Variants in AGO3 observed in about 807,000 individuals in gnomAD.
AGO3 encodes the protein argonaute RISC catalytic component 3, also known as protein argonaute-3.
AGO3 carries 16 observed loss-of-function variants against 105.5 expected under a neutral mutation model. The ratio of observed to expected loss-of-function variants is 0.15; its 90% CI spans 0.10 to 0.23. The LOEUF is 0.23. Ranked by LOEUF, AGO3 falls within the 10% of genes least tolerant of loss-of-function variation. The pLI is 1.00. For missense variants in AGO3, 534 were observed against 1,088.0 expected, an observed-to-expected ratio of 0.49 and a Z score of 7.16; for synonymous variants, 340 against 367.3, an observed-to-expected ratio of 0.93 and a Z score of 0.85.
At chr1:36,043,257 A>T in intron 16 of AGO3, 190 bp from the exon 17 acceptor site, 1 of 568,402 alleles carries the variant, frequency 1.8e-6, no homozygotes, top group Non-Finnish European at 3.1e-6. Context: ...ATCAGCGCTC[A>T]CTTTCAGCAA....
intron 12 of AGO3, among the ~76,000 whole-genome samples, chr1:36,029,561 AT>A (rs1390970238): frequency 6.6e-6 from 1 of 151,214 alleles, no homozygotes; most frequent in Non-Finnish European, 1.5e-5. Flanking sequence ...TGTCCAGCTA[AT>A]TTTTTTGTAT....
At chr1:35,953,503 A>G (rs1345555566) in intron 2 of AGO3, among the ~76,000 whole-genome samples, 2 of 151,716 alleles carry the variant, frequency 1.3e-5, no homozygotes, top group East Asian at 3.9e-4. Context: ...TATTTGGAGA[A>G]ATGTCTATTT....
At chr1:35,940,872 A>G (rs1234638041) in intron 1 of AGO3, among the ~76,000 whole-genome samples, 1 of 152,002 alleles carries the variant, frequency 6.6e-6, no homozygotes, top group Non-Finnish European at 1.5e-5. Context: ...TCATTTCCCT[A>G]ATTTCTAAAT....
chr1:36,060,838 A>G lies in AGO3; in HGVS notation c.*5093A>G, dbSNP rs1006251067. 2.0e-5 allele frequency: 3 copies of G among 152,132 alleles called. No homozygotes were observed. The highest frequency in any genetic ancestry group is 7.2e-5 in the African/African-American group (3 of 41,428). 9.4% of individuals were successfully genotyped at this position (152,132 alleles called of 1,614,324 possible). A position where few individuals can be genotyped will look rare whatever the true frequency, so the allele number is the denominator to read the frequency against. ...GTATTCATTATTTTCATTCTTTTTG[A>G]GAATTCATAAATGTCTTAAAGCTTC... On this transcript the variant is annotated 3_prime_UTR_variant, in exon 19 of 19. Coordinates refer to ENST00000373191, the MANE Select transcript of AGO3 (RefSeq NM_024852.4).
chr1:36,013,895 A>G lies in AGO3; in HGVS notation c.1273-20A>G, dbSNP rs762629456. Reference sequence around the variant, plus strand: ...AATTTTTGTTCTTTTTCACCATGTTATTTTTTTCTCCTCGTGTAGAATCGG... The same window carrying G: ...AATTTTTGTTCTTTTTCACCATGTTGTTTTTTTCTCCTCGTGTAGAATCGG... On this transcript the variant is annotated intron_variant, in intron 10 of 18. Coordinates refer to ENST00000373191, the MANE Select transcript of AGO3 (RefSeq NM_024852.4). 4.4e-6 allele frequency: 7 copies of G among 1,601,746 alleles called. No individual in the cohort carries two copies. The African/African-American group carries it at 9.4e-5, about 22-fold the overall frequency.
intron 17 of AGO3, among the ~76,000 whole-genome samples, chr1:36,046,249 G>C (rs913572649): frequency 6.6e-6 from 1 of 152,188 alleles, no homozygotes; most frequent in Admixed American, 6.5e-5. Context: ...TGGAACTATA[G>C]CTGGGATATG....
chr1:36,031,631 A>C (rs1247209170), intron 12 of AGO3, among the ~76,000 whole-genome samples: 2 of 152,236 alleles, frequency 1.3e-5, no homozygotes, highest in East Asian at 1.9e-4. Context: ...CCATTTCCAG[A>C]ACTTTTTTCC....
intron 3 of AGO3, among the ~76,000 whole-genome samples, chr1:35,971,104 A>G (rs1646861507): frequency 1.4e-5 from 2 of 146,794 alleles, no homozygotes; most frequent in Non-Finnish European, 3.0e-5. Flanking sequence ...TAAATTATAA[A>G]TAATATATAA....
At chr1:35,965,297 C>A (rs576850998) in intron 2 of AGO3, among the ~76,000 whole-genome samples, 2 of 151,978 alleles carry the variant, frequency 1.3e-5, no homozygotes, top group Admixed American at 6.5e-5. Flanking sequence ...CGAGACCAGC[C>A]TGGCCAACAT....
intron 2 of AGO3, among the ~76,000 whole-genome samples, chr1:35,955,582 A>G (rs977128974): frequency 3.3e-5 from 5 of 151,380 alleles, no homozygotes; most frequent in African/African-American, 1.2e-4. Context: ...CGAGAGGTAC[A>G]CTGTTAACTT....
At position 36,058,664 on chromosome 1, in the gene AGO3, G is replaced by C. The variant is rs1397715841; in HGVS notation, c.*2919G>C. The C allele has an allele frequency of 6.6e-6, 1 of 152,102 alleles. No individual in the cohort carries two copies. Among genetic ancestry groups the C allele is most frequent in the Non-Finnish European group, 1.5e-5 (1 of 68,004 alleles). The allele number at this position is 152,102 out of a possible 1,614,324, so 9.4% of individuals were successfully genotyped here. A position where few individuals can be genotyped will look rare whatever the true frequency, so the allele number is the denominator to read the frequency against. Reference sequence around the variant, plus strand: ...CATGAAATCTTTTGTCCCTCTGCCAGAAAACTAAGAAAGTACTGTATTTTG... The same window carrying C: ...CATGAAATCTTTTGTCCCTCTGCCACAAAACTAAGAAAGTACTGTATTTTG... On this transcript the variant is annotated 3_prime_UTR_variant, in exon 19 of 19. Coordinates refer to ENST00000373191, the MANE Select transcript of AGO3 (RefSeq NM_024852.4).
At chr1:35,948,630 A>G (rs1281581605) in intron 2 of AGO3, among the ~76,000 whole-genome samples, 1 of 152,120 alleles carries the variant, frequency 6.6e-6, no homozygotes, top group South Asian at 2.1e-4. Context: ...TGTATTATAT[A>G]TGTGTAATTA....
rs1640431235 is a variant in AGO3, at chr1:36,008,349, C to T, written c.794-341C>T. Among the ~76,000 whole-genome samples, 1 of 152,142 alleles carries T rather than the reference C, an allele frequency of 6.6e-6. No individual in the cohort carries two copies. Among genetic ancestry groups the T allele is most frequent in the South Asian group, 2.1e-4 (1 of 4,830 alleles). ...TATTGGATCTCCTCTTTCATTCCTCCTTCCCTCTCCCAGCATAAATACCTG... is the reference window on the plus strand; with the variant it reads ...TATTGGATCTCCTCTTTCATTCCTCTTTCCCTCTCCCAGCATAAATACCTG... On this transcript the variant is annotated intron_variant, in intron 6 of 18. Transcript: ENST00000373191. This position sits in a 1 kb window ranked among gnomAD's most constrained non-coding sequence, Gnocchi z 5.1.
chr1:35,956,215 G>A (rs1194851500), intron 2 of AGO3, among the ~76,000 whole-genome samples: 1 of 152,150 alleles, frequency 6.6e-6, no homozygotes, highest in Non-Finnish European at 1.5e-5. Context: ...AACAATTTAG[G>A]TATGTAAGGA....
intron 1 of AGO3, among the ~76,000 whole-genome samples, chr1:35,935,399 A>C (rs1646131071): frequency 6.6e-6 from 1 of 152,254 alleles, no homozygotes. Context: ...TTCTAAACTA[A>C]TCTGTTTAGT....
rs559184749 is a variant in AGO3, at chr1:36,013,463, A to G, written c.1150-167A>G. The G allele has an allele frequency of 2.9e-5, 25 of 856,994 alleles. 1 individual carries two copies. The South Asian group carries it at 4.2e-4, about 14-fold the overall frequency. The allele number at this position is 856,994 out of a possible 1,614,324, so 53.1% of individuals were successfully genotyped here. On this transcript the variant is annotated intron_variant, in intron 9 of 18. Coordinates refer to ENST00000373191, the MANE Select transcript of AGO3 (RefSeq NM_024852.4). ...AATTTCTGCAGTCCATTCATGACCC[A>G]TGGTCCCCAGGTTAAGATTCGCTGT...
At chr1:36,043,951 G>A (rs1233290260) in intron 17 of AGO3, among the ~76,000 whole-genome samples, 1 of 152,066 alleles carries the variant, frequency 6.6e-6, no homozygotes, top group Non-Finnish European at 1.5e-5. Context: ...TCCCACCTCA[G>A]CCTCCCAAGT....
chr1:35,973,989 ATAGGTAGCCAT>A (rs1421272696), intron 5 of AGO3, among the ~76,000 whole-genome samples: 1 of 152,204 alleles, frequency 6.6e-6, no homozygotes, highest in African/African-American at 2.4e-5. Flanking sequence ...GAACTACCAC[ATAGGTAGCCAT>A]TACTCAGATT....
In AGO3 at chr1:35,945,788, T is replaced by C; in HGVS notation, c.116T>C (p.Val39Ala). ...AAACTGCTGGCTAACTGTTTTCAAG[T>C]TGAAATCCCAAAGATTGATGTCTAC... ...PIKLLANCFQ[V>A]EIPKIDVYLY... Residue 39 changes from valine to alanine, a missense_variant, in exon 2 of 19, where the codon GTT becomes GCT. Val to Ala is a moderately conservative substitution (Grantham distance 64, BLOSUM62 0). Transcript: ENST00000373191. 4 of 1,613,784 alleles carry C rather than the reference T, an allele frequency of 2.5e-6. No individual in the cohort carries two copies. Among genetic ancestry groups the C allele is most frequent in the Non-Finnish European group, 3.4e-6 (4 of 1,180,018 alleles).
Sources: allele counts gnomAD v4.1 joint callset (sites outside exome capture counted in the v4.1 genomes callset), GRCh38; gene constraint gnomAD v4.1.1; non-coding constraint Gnocchi (gnomAD v3.1); transcripts MANE v1.5; gene names NCBI Gene and HGNC (gene_info 2026-07-23, HGNC 2026-07-21).